The following KNTC1 variants were observed in gnomAD, a reference collection of about 807,000 sequenced individuals.
The protein encoded by KNTC1 is kinetochore associated 1.
A neutral mutation model predicts 314.4 loss-of-function variants in KNTC1; 253 were observed. The ratio of observed to expected loss-of-function variants is 0.80; its 90% CI spans 0.73 to 0.89. The LOEUF is 0.89. Ranked by LOEUF, KNTC1 falls within the 40% of genes least tolerant of loss-of-function variation. KNTC1 has a pLI of 0.00. For missense variants in KNTC1, 2,475 were observed against 2,572.9 expected (o/e 0.96, Z 0.82); for synonymous variants, 901 against 901.4 (o/e 1.00, Z 0.01).
intron 58 of KNTC1, 42 bp from the exon 59 acceptor site, chr12:122,618,440 G>T (rs1874013177): frequency 6.2e-7 from 1 of 1,611,258 alleles, no homozygotes; most frequent in African/African-American, 1.3e-5. Flanking sequence ...TTTTATAGTT[G>T]AGTGTGTGTA....
intron 44 of KNTC1, among the ~76,000 whole-genome samples, chr12:122,600,406 CTTTCTT>C (rs1371803236): frequency 6.6e-6 from 1 of 152,016 alleles, no homozygotes; most frequent in African/African-American, 2.4e-5. Context: ...GCCTGACTTC[CTTTCTT>C]TTTGTGTTAA....
Position 122,568,260 on chromosome 12 carries a change from G to T in KNTC1, c.1605-1G>T. On this transcript the variant is annotated splice_acceptor_variant, in intron 20 of 63. Coordinates refer to ENST00000333479, the MANE Select transcript of KNTC1 (RefSeq NM_014708.6). LOFTEE classifies it high-confidence loss of function. ...CTTTTTTCCCTTCTTTGTCTATTCAGTGGCAGTTCTTGGATTGAATTTCTA... is the reference window on the plus strand; with the variant it reads ...CTTTTTTCCCTTCTTTGTCTATTCATTGGCAGTTCTTGGATTGAATTTCTA... The T allele has an allele frequency of 1.4e-6, 2 of 1,412,720 alleles. No homozygotes were observed. The highest frequency in any genetic ancestry group is 1.0e-6 in the Non-Finnish European group (1 of 1,003,528). The allele number at this position is 1,412,720 out of a possible 1,614,324, so 87.5% of individuals were successfully genotyped here.
At chr12:122,600,667 C>T (rs974783094) in intron 44 of KNTC1, among the ~76,000 whole-genome samples, 117 of 151,344 alleles carry the variant, frequency 7.7e-4, no homozygotes, top group African/African-American at 2.7e-3. Flanking sequence ...TTAAGAGCTT[C>T]CTTCTTTTTT....
chr12:122,547,126 G>A (rs1026923669), intron 10 of KNTC1, among the ~76,000 whole-genome samples: 5 of 152,010 alleles, frequency 3.3e-5, no homozygotes, highest in African/African-American at 4.8e-5. Context: ...GAGCCACTGC[G>A]CCTGGTCTGA....
At chr12:122,594,250 C>T (rs1565997886) in intron 42 of KNTC1, 26 bp from the exon 43 acceptor site, 4 of 1,351,918 alleles carry the variant, frequency 3.0e-6, no homozygotes, top group Admixed American at 1.7e-5. Context: ...GGTTTTTTTG[C>T]TTTGTTTTTT....
chr12:122,592,990 C>T (rs2138058220), intron 42 of KNTC1: 1 of 152,932 alleles, frequency 6.5e-6, no homozygotes, highest in East Asian at 1.9e-4. Context: ...GAAGGAACAA[C>T]TCCAGACGCT....
At chr12:122,589,128 A>G (rs185874126) in intron 40 of KNTC1, among the ~76,000 whole-genome samples, 37 of 151,842 alleles carry the variant, frequency 2.4e-4, no homozygotes, top group Non-Finnish European at 7.4e-5. Context: ...TAGTATGATC[A>G]TAGTTTGCTA....
At position 122,618,473 on chromosome 12, in the gene KNTC1, T is replaced by TG; in HGVS notation, c.6086-8dup. 6.2e-7 allele frequency: 1 copy of TG among 1,612,880 alleles called. No homozygotes were observed. On this transcript the variant is annotated splice_polypyrimidine_tract_variant and intron_variant, in intron 58 of 63. Transcript: ENST00000333479. ...GTATATCATGGTTGTTTTTTTGTTT[T>TG]GTTTTCAGCCTCTTGTCCTTTAAGT...
chr12:122,562,837 C>T, intron 20 of KNTC1, 138 bp downstream of exon 20: 1 of 558,166 alleles, frequency 1.8e-6, no homozygotes, highest in Non-Finnish European at 3.4e-6. Flanking sequence ...TGGCAAAACC[C>T]CATCTCTACT....
intron 20 of KNTC1, chr12:122,563,741 T>C (rs1452244172): frequency 3.6e-6 from 5 of 1,407,538 alleles, no homozygotes; most frequent in Non-Finnish European, 4.7e-6. Context: ...GTCACCTCTT[T>C]AGAATGATCT....
At chr12:122,625,579 C>G (rs1352635781) in intron 63 of KNTC1, among the ~76,000 whole-genome samples, 2 of 125,936 alleles carry the variant, frequency 1.6e-5, no homozygotes, top group Non-Finnish European at 3.5e-5. Context: ...AAAATCAAAA[C>G]AAAACAAAAC....
chr12:122,588,562 G>C (rs1869700604), intron 39 of KNTC1, 150 bp from the exon 40 acceptor site: 2 of 566,078 alleles, frequency 3.5e-6, no homozygotes, highest in South Asian at 3.4e-5. Context: ...CTCCCAGTCA[G>C]TCCCCCACCC....
chr12:122,582,484 C>T (rs1440883859), intron 33 of KNTC1, among the ~76,000 whole-genome samples: 1 of 151,678 alleles, frequency 6.6e-6, no homozygotes, highest in East Asian at 1.9e-4. Flanking sequence ...GGGAGGAGGG[C>T]AAAGGTCGAA....
At chr12:122,581,822 T>A (rs34263900) in intron 33 of KNTC1, among the ~76,000 whole-genome samples, 5,853 of 152,338 alleles carry the variant, frequency 0.038, 145 homozygotes, top group Non-Finnish European at 0.061. Context: ...AAAATACTTA[T>A]AACAAAATGT....
At chr12:122,576,804 A>AT in intron 29 of KNTC1, 91 bp from the exon 30 acceptor site, 1 of 979,422 alleles carries the variant, frequency 1.0e-6, no homozygotes, top group Non-Finnish European at 1.4e-6. Context: ...GCATTATTTA[A>AT]ATTTTTTTGC....
Position 122,576,321 on chromosome 12 carries a change from G to A in KNTC1, c.2586+422G>A, listed in dbSNP as rs533657782. Reference sequence around the variant, plus strand: ...CGACCTCAGGTGATCTGCCTGCCTCGGCCTCCCATAGTGTTGGGATTACAG... The same window carrying A: ...CGACCTCAGGTGATCTGCCTGCCTCAGCCTCCCATAGTGTTGGGATTACAG... On this transcript the variant is annotated intron_variant, in intron 29 of 63. Coordinates refer to ENST00000333479, the MANE Select transcript of KNTC1 (RefSeq NM_014708.6). Among the ~76,000 whole-genome samples, 252 of 152,118 alleles carry A rather than the reference G, an allele frequency of 1.7e-3. 3 individuals are homozygous for A. The South Asian group carries it at 0.024, about 14-fold the overall frequency.
chr12:122,580,580 A>T, intron 32 of KNTC1, 23 bp from the exon 33 acceptor site: 1 of 1,444,616 alleles, frequency 6.9e-7, no homozygotes, highest in East Asian at 2.4e-5. Context: ...TGTCTGCTAT[A>T]ACTTTTAAAA....
intron 21 of KNTC1, among the ~76,000 whole-genome samples, chr12:122,569,096 C>T (rs1197024483): frequency 6.6e-6 from 1 of 152,126 alleles, no homozygotes; most frequent in African/African-American, 2.4e-5. Context: ...ATGAAATAAT[C>T]TGTACAACAA....
Position 122,605,094 on chromosome 12 carries a change from A to G in KNTC1, c.5386+7A>G, listed in dbSNP as rs761680946. The G allele has an allele frequency of 6.3e-7, 1 of 1,599,548 alleles. No individual in the cohort carries two copies. Among genetic ancestry groups the G allele is most frequent in the Admixed American group, 1.7e-5 (1 of 57,748 alleles). On this transcript the variant is annotated splice_region_variant and intron_variant, in intron 50 of 63. Transcript: ENST00000333479. ...TCTGGCACAGATTATCCTGGTGAGG[A>G]CAAAACAATTTTTTTGTTGTCCAAG...
Sources: allele counts gnomAD v4.1 joint callset (sites outside exome capture counted in the v4.1 genomes callset), GRCh38; gene constraint gnomAD v4.1.1; transcripts MANE v1.5; gene names NCBI Gene and HGNC (gene_info 2026-07-23, HGNC 2026-07-21).